SEMA6A: variants seen among roughly 807,000 people sequenced by gnomAD.
The protein encoded by SEMA6A is semaphorin-6A.
A neutral mutation model predicts 96.8 loss-of-function variants in SEMA6A; 25 were observed. That is an observed-to-expected ratio of 0.26 (90% CI 0.19 to 0.36). The LOEUF (loss-of-function observed/expected upper bound fraction) is 0.36, where lower values mean the gene tolerates loss of function less well. Among genes scored for constraint, SEMA6A ranks in the 10% least tolerant of loss-of-function variants. The pLI is 1.00. For missense variants in SEMA6A, 1,363 were observed against 1,323.1 expected (o/e 1.03, Z -0.47); for synonymous variants, 612 against 518.0 (o/e 1.18, Z -2.46).
At chr5:116,467,317 G>A (rs1225859413) in intron 18 of SEMA6A, among the ~76,000 whole-genome samples, 1 of 152,160 alleles carries the variant, frequency 6.6e-6, no homozygotes, top group Non-Finnish European at 1.5e-5. Context: ...GCCAGCATCT[G>A]CTTCGGGCCA....
chr5:116,478,652 A>G lies in SEMA6A; in HGVS notation c.1317T>C (p.Phe439=). Reference sequence around the variant, plus strand: ...AGATGATTCCCTTCTCTGATCCCAGAAAAACCACAGTGTGATTCTGATATG... The same window carrying G: ...AGATGATTCCCTTCTCTGATCCCAGGAAAACCACAGTGTGATTCTGATATG... The part of the protein sequence containing the change: ...AGPYQNHTVV[F]LGSEKGIILK... The change falls in exon 13 of 19, where the codon TTT becomes TTC. Residue 439 remains phenylalanine (F), a synonymous_variant. Transcript: ENST00000343348. 8 of 1,613,792 alleles carry G rather than the reference A, an allele frequency of 5.0e-6. No homozygotes were observed. Among genetic ancestry groups the G allele is most frequent in the African/African-American group, 1.3e-5 (1 of 75,040 alleles).
chr5:116,564,683 C>G (rs921961592), intron 1 of SEMA6A, among the ~76,000 whole-genome samples: 3 of 151,816 alleles, frequency 2.0e-5, no homozygotes, highest in African/African-American at 7.3e-5. Context: ...AGAACATTCT[C>G]TAATCAACTC....
At chr5:116,457,872 C>T (rs1201778920) in intron 18 of SEMA6A, among the ~76,000 whole-genome samples, 1 of 152,116 alleles carries the variant, frequency 6.6e-6, no homozygotes, top group Admixed American at 6.6e-5. Context: ...TCCCTGGAAC[C>T]AACAAATGAA....
intron 8 of SEMA6A, 149 bp downstream of exon 8, chr5:116,488,739 T>G (rs1757184824): frequency 9.7e-7 from 1 of 1,034,742 alleles, no homozygotes. Flanking sequence ...AATAAATCAG[T>G]TGAAGCCAAA....
chr5:116,512,308 G>T (rs1204548361), intron 1 of SEMA6A, among the ~76,000 whole-genome samples: 1 of 152,108 alleles, frequency 6.6e-6, no homozygotes, highest in African/African-American at 2.4e-5. Context: ...TATAAGGTTC[G>T]GGCAAATGAG....
chr5:116,490,490 C>T (rs1254851275), intron 7 of SEMA6A, among the ~76,000 whole-genome samples: 1 of 152,200 alleles, frequency 6.6e-6, no homozygotes, highest in South Asian at 2.1e-4. Context: ...GGACCTCCAG[C>T]AGTAGTCATG....
Position 116,469,259 on chromosome 5 carries a change from C to G in SEMA6A, c.1730-1512G>C, listed in dbSNP as rs535196563. The G allele has an allele frequency of 3.9e-5, 6 of 152,220 alleles. No individual in the cohort carries two copies. The East Asian group carries it at 1.2e-3, about 29-fold the overall frequency. The allele number at this position is 152,220 out of a possible 1,614,324, so 9.4% of individuals were successfully genotyped here. A position where few individuals can be genotyped will look rare whatever the true frequency, so the allele number is the denominator to read the frequency against. The stretch of plus-strand genomic sequence containing the variant: ...AAATAGTCTGCTTCGTATCCAGCTG[C>G]TAAAAGCATGTTCATTTAAAATTCA... On this transcript the variant is annotated intron_variant, in intron 17 of 18. Coordinates refer to ENST00000343348, the MANE Select transcript of SEMA6A (RefSeq NM_020796.5).
At chr5:116,478,486 G>T (rs1451503727) in intron 13 of SEMA6A, 56 bp downstream of exon 13, 1 of 1,461,758 alleles carries the variant, frequency 6.8e-7, no homozygotes, top group African/African-American at 1.4e-5. Context: ...CTGAATGAAA[G>T]GGGCCATAAT....
rs761945126 is a variant in SEMA6A, at chr5:116,475,516, G to C, written c.1708+29C>G. The stretch of plus-strand genomic sequence containing the variant: ...TTCACTGAAAGCATCTTTGCCCAAA[G>C]ATAAAAATGGATAAAAGACTGTACT... On this transcript the variant is annotated intron_variant, in intron 16 of 18. Transcript: ENST00000343348. 9.1e-6 allele frequency: 14 copies of C among 1,534,028 alleles called. No homozygotes were observed. In the South Asian group the frequency reaches 1.6e-4, roughly 17 times the overall value.
intron 3 of SEMA6A, among the ~76,000 whole-genome samples, chr5:116,497,688 G>T (rs1446682073): frequency 6.6e-6 from 1 of 152,212 alleles, no homozygotes; most frequent in East Asian, 1.9e-4. Context: ...GGAGGGCTCT[G>T]AAAGTTAAAT....
chr5:116,468,716 A>G (rs544594744), intron 17 of SEMA6A: 2 of 152,334 alleles, frequency 1.3e-5, no homozygotes, highest in South Asian at 4.1e-4. Flanking sequence ...GAAATAAAAT[A>G]TGACCTCCTC....
intron 1 of SEMA6A, among the ~76,000 whole-genome samples, chr5:116,523,334 G>T (rs573319672): frequency 6.6e-6 from 1 of 152,160 alleles, no homozygotes; most frequent in African/African-American, 2.4e-5. Flanking sequence ...TTCTTTTTGA[G>T]ACAGGGTCTT....
intron 18 of SEMA6A, among the ~76,000 whole-genome samples, chr5:116,464,590 A>G (rs1461755391): frequency 1.3e-5 from 2 of 152,176 alleles, no homozygotes; most frequent in Non-Finnish European, 2.9e-5. Flanking sequence ...AGAGCCTTGG[A>G]ACATTCCACA....
intron 1 of SEMA6A, among the ~76,000 whole-genome samples, chr5:116,506,582 C>T (rs747858408): frequency 6.6e-6 from 1 of 151,970 alleles, no homozygotes; most frequent in Non-Finnish European, 1.5e-5. Flanking sequence ...TCTCATGGCT[C>T]CTGTTCAGTA....
At position 116,488,016 on chromosome 5, in the gene SEMA6A, C is replaced by G. The variant is rs185013210; in HGVS notation, c.744+92G>C. 1.6e-3 allele frequency: 1,319 copies of G among 802,418 alleles called. 12 individuals are homozygous for G. In the African/African-American group the frequency reaches 0.021, roughly 13 times the overall value. 49.7% of individuals were successfully genotyped at this position (802,418 alleles called of 1,614,324 possible). On this transcript the variant is annotated intron_variant, in intron 9 of 18. Coordinates refer to ENST00000343348, the MANE Select transcript of SEMA6A (RefSeq NM_020796.5). ...GCACTCTGTTATTAGATTTATGGCT[C>G]TCATTTCAAGATCATTTATAACAAC...
intron 10 of SEMA6A, among the ~76,000 whole-genome samples, chr5:116,484,376 A>G (rs1411511414): frequency 1.3e-5 from 2 of 151,560 alleles, no homozygotes; most frequent in African/African-American, 2.4e-5. Context: ...TTTCCTTTCA[A>G]TTTTCCTTCA....
rs936245979 is a variant in SEMA6A at position 116,478,043 on chromosome 5, G to A, written c.1539C>T (p.Gly513=). The change falls in exon 14 of 19, where the codon GGC becomes GGT. Residue 513 remains glycine (G), a synonymous_variant. Coordinates refer to ENST00000343348, the MANE Select transcript of SEMA6A (RefSeq NM_020796.5). ...FSTCVIKVPL[G]RCERHGKCKK... is the part of the protein sequence containing the mutation. ...TACACTTCCCATGTCGTTCACACCG[G>A]CCAAGGGGAACCTTTATCACACAGG... 5 of 1,613,820 alleles carry A rather than the reference G, an allele frequency of 3.1e-6. No individual in the cohort carries two copies. The African/African-American group carries it at 5.3e-5, about 17-fold the overall frequency.
Position 116,486,845 on chromosome 5 carries a change from G to C in SEMA6A, c.866C>G (p.Ser289Cys), listed in dbSNP as rs1032791307. ...ARLNCSVPGD[S>C]HFYFNILQAV... Reference sequence around the variant, plus strand: ...CTGGAGAATGTTGAAATAAAAATGAGAGTCTCCAGGAACTGAGCAGTTCAA... The same window carrying C: ...CTGGAGAATGTTGAAATAAAAATGACAGTCTCCAGGAACTGAGCAGTTCAA... The change falls in exon 10 of 19, where the codon TCT becomes TGT. Residue 289 changes from serine (S) to cysteine (C), a missense_variant. Around this residue, in one of 2 missense-constraint regions of SEMA6A, gnomAD observed 480 missense variants for 559.5 expected, o/e 0.86. Transcript: ENST00000343348. 5 of 1,613,658 alleles carry C rather than the reference G, an allele frequency of 3.1e-6. No homozygotes were observed. Among genetic ancestry groups the C allele is most frequent in the African/African-American group, 2.7e-5 (2 of 74,892 alleles).
chr5:116,571,454 T>TG (rs1269714245), intron 1 of SEMA6A, among the ~76,000 whole-genome samples: 2 of 152,220 alleles, frequency 1.3e-5, no homozygotes, highest in Admixed American at 1.3e-4. Flanking sequence ...AGTAGAATGC[T>TG]TCTTTACATC....
Sources: allele counts gnomAD v4.1 joint callset (sites outside exome capture counted in the v4.1 genomes callset), GRCh38; gene constraint gnomAD v4.1.1; regional missense constraint gnomAD v4.1.1; transcripts MANE v1.5; gene names NCBI Gene and HGNC (gene_info 2026-07-23, HGNC 2026-07-21).